The following PHF14 variants were observed in gnomAD, a reference collection of about 807,000 sequenced individuals.
PHF14 encodes PHD finger protein 14.
In PHF14, 55 loss-of-function variants were observed where a neutral mutation model predicts 117.9. That is an observed-to-expected ratio of 0.47 (90% confidence interval 0.38 to 0.58). PHF14 has a LOEUF of 0.58. Among genes scored for constraint, PHF14 ranks in the 20% least tolerant of loss-of-function variants. The pLI, the probability that PHF14 is intolerant of heterozygous loss-of-function variation, is 0.00. For missense variants in PHF14, 978 were observed against 1,122.2 expected (o/e 0.87, Z 1.84); for synonymous variants, 409 against 368.6 (o/e 1.11, Z -1.26).
chr7:10,990,745 A>C lies in PHF14; in HGVS notation c.943A>C (p.Lys315Gln), dbSNP rs370005938. 5.7e-6 allele frequency: 9 copies of C among 1,568,544 alleles called. No individual in the cohort carries two copies. Among genetic ancestry groups the C allele is most frequent in the African/African-American group, 1.4e-5 (1 of 73,992 alleles). The change falls in exon 4 of 18, where the codon AAA (lysine) becomes CAA (glutamine). Residue 315 changes from lysine to glutamine, a missense_variant. Lys to Gln is a moderately conservative substitution (Grantham distance 53). This residue lies in a region of PHF14 where 414 missense variants were observed against 376.4 expected (regional missense o/e 1.10). Transcript: ENST00000634607. ...GAAGAGTCAAAACTGGAGCTCTCAA[A>C]AAATGGACCATATTCTGATTTGCTG... ...LEKSQNWSSQ[K>Q]MDHILICCVC...
chr7:11,104,401 A>G, intron 16 of PHF14: 3 of 958,006 alleles, frequency 3.1e-6, no homozygotes, highest in Non-Finnish European at 3.7e-6. Flanking sequence ...AATCTCTTAA[A>G]TGCTCTCATA....
At chr7:11,159,681 C>CA (rs1365359512) in intron 17 of PHF14, among the ~76,000 whole-genome samples, 2 of 151,952 alleles carry the variant, frequency 1.3e-5, no homozygotes, top group African/African-American at 4.8e-5. Context: ...TTGAGGGAAA[C>CA]AGAGTAAAAG....
chr7:11,129,307 A>C (rs1788021866), intron 17 of PHF14, among the ~76,000 whole-genome samples: 1 of 152,122 alleles, frequency 6.6e-6, no homozygotes, highest in Admixed American at 6.6e-5. Flanking sequence ...TATGCAAAAA[A>C]GACCAAGAAG....
At chr7:11,097,068 C>T (rs1468594485) in intron 16 of PHF14, among the ~76,000 whole-genome samples, 1 of 150,716 alleles carries the variant, frequency 6.6e-6, no homozygotes, top group East Asian at 2.0e-4. Context: ...CAACCTCTGC[C>T]TCCCAGGTTC....
rs756942636 is a variant in PHF14 at position 11,038,841 on chromosome 7, A to G, written c.2062A>G (p.Arg688Gly). The G allele has an allele frequency of 5.8e-6, 9 of 1,549,862 alleles. No homozygotes were observed. Among genetic ancestry groups the G allele is most frequent in the Non-Finnish European group, 7.0e-6 (8 of 1,136,638 alleles). The part of the protein sequence containing the change: ...EGQGIWALLG[R>G]ITGQKLNIPA... ...ACAAGGAATATGGGCTTTACTAGGCAGAATCACAGGGCAGGTTAGTTTCTT... is the reference window on the plus strand; with the variant it reads ...ACAAGGAATATGGGCTTTACTAGGCGGAATCACAGGGCAGGTTAGTTTCTT... The change falls in exon 11 of 18, where the codon AGA (arginine) becomes GGA (glycine). Residue 688 changes from arginine to glycine, a missense_variant. Around this residue, in one of 7 missense-constraint regions of PHF14, gnomAD observed 237 missense variants for 276.4 expected, o/e 0.86. Coordinates refer to ENST00000634607, the MANE Select transcript of PHF14 (RefSeq NM_001007157.2).
chr7:11,145,070 T>A (rs1303991929), intron 17 of PHF14, among the ~76,000 whole-genome samples: 1 of 152,006 alleles, frequency 6.6e-6, no homozygotes. Context: ...ACCTCTGAAC[T>A]GTATACTTAA....
At chr7:10,991,350 G>A (rs1782441335) in intron 4 of PHF14, among the ~76,000 whole-genome samples, 1 of 152,016 alleles carries the variant, frequency 6.6e-6, no homozygotes, top group Middle Eastern at 3.4e-3. Context: ...GCTAATTTTT[G>A]TATTTTTAGT....
intron 16 of PHF14, among the ~76,000 whole-genome samples, chr7:11,066,353 G>A (rs568054929): frequency 2.6e-5 from 4 of 152,198 alleles, no homozygotes; most frequent in Admixed American, 1.3e-4. Flanking sequence ...TCTGCCTCCC[G>A]GGCTCAAGCA....
chr7:10,994,799 C>T (rs1211733033), intron 4 of PHF14, among the ~76,000 whole-genome samples: 2 of 152,046 alleles, frequency 1.3e-5, no homozygotes, highest in Admixed American at 6.6e-5. Flanking sequence ...TGCAGACCTT[C>T]GCGGTGAGTG....
intron 3 of PHF14, among the ~76,000 whole-genome samples, chr7:10,985,026 C>G (rs369365864): frequency 5.2e-4 from 79 of 152,212 alleles, no homozygotes; most frequent in African/African-American, 1.8e-3. Context: ...CCCCTCAATT[C>G]TATTATTCAA....
At chr7:11,011,119 A>G (rs920538396) in intron 4 of PHF14, among the ~76,000 whole-genome samples, 12 of 152,346 alleles carry the variant, frequency 7.9e-5, no homozygotes, top group Non-Finnish European at 1.6e-4. Flanking sequence ...ATATTTGGTA[A>G]GTAGTGTTTT....
chr7:11,129,657 A>T (rs1788035368), intron 17 of PHF14, among the ~76,000 whole-genome samples: 1 of 151,224 alleles, frequency 6.6e-6, no homozygotes, highest in Admixed American at 6.6e-5. Context: ...TAGCAATAGG[A>T]GTCTCATTTT....
chr7:11,156,659 G>A (rs1788864472), intron 17 of PHF14, among the ~76,000 whole-genome samples: 1 of 152,166 alleles, frequency 6.6e-6, no homozygotes, highest in South Asian at 2.1e-4. Context: ...GCCGGGTGTA[G>A]TGGCAGGCGC....
At chr7:11,115,932 T>A (rs1288767925) in intron 17 of PHF14, among the ~76,000 whole-genome samples, 2 of 152,006 alleles carry the variant, frequency 1.3e-5, no homozygotes, top group Non-Finnish European at 2.9e-5. Context: ...TGTGATGCTG[T>A]GTGCATTCTA....
At chr7:11,076,709 A>G (rs959526412) in intron 16 of PHF14, among the ~76,000 whole-genome samples, 2 of 151,574 alleles carry the variant, frequency 1.3e-5, no homozygotes, top group Non-Finnish European at 2.9e-5. Context: ...CTGAGATTAC[A>G]GGTGCACACC....
intron 16 of PHF14, chr7:11,103,387 A>C (rs1439548450): frequency 1.0e-6 from 1 of 976,658 alleles, no homozygotes; most frequent in Non-Finnish European, 1.2e-6. Flanking sequence ...AGGGAAGTAC[A>C]AAGATTATTG....
At chr7:10,982,308 T>TTG (rs879230535) in intron 2 of PHF14, 64 bp from the exon 3 acceptor site, 1,869 of 975,078 alleles carry the variant, frequency 1.9e-3, no homozygotes, top group Middle Eastern at 2.3e-3. Context: ...TGTGTCAGCG[T>TTG]TGTGTGTGTG....
chr7:11,161,195 A>G lies in PHF14; in HGVS notation c.2773-8221A>G, dbSNP rs371298295. Among the ~76,000 whole-genome samples, 28 of 152,228 alleles carry G rather than the reference A, an allele frequency of 1.8e-4. No individual in the cohort carries two copies. In the East Asian group the frequency reaches 4.1e-3, roughly 22 times the overall value. Reference sequence around the variant, plus strand: ...ATTATGACTTTTTTTTAATGGCAGTATAGAAGTTTGGTAAAACTTAATTTT... The same window carrying G: ...ATTATGACTTTTTTTTAATGGCAGTGTAGAAGTTTGGTAAAACTTAATTTT... On this transcript the variant is annotated intron_variant, in intron 17 of 17. Transcript: ENST00000634607.
In PHF14 at chr7:11,028,651, T is replaced by A. The variant is rs746806815; in HGVS notation, c.1318-30T>A. 55 of 1,610,638 alleles carry A rather than the reference T, an allele frequency of 3.4e-5. 1 individual carries two copies. Among genetic ancestry groups the A allele is most frequent in the Non-Finnish European group, 6.8e-6 (8 of 1,177,720 alleles). ...GTCTTTAGTCTGGAAATAAGTTTGCTTTGAGAATTTTTCTGTTACTTTGTT... is the reference window on the plus strand; with the variant it reads ...GTCTTTAGTCTGGAAATAAGTTTGCATTGAGAATTTTTCTGTTACTTTGTT... On this transcript the variant is annotated intron_variant, in intron 6 of 17. Transcript: ENST00000634607.
Sources: gnomAD v4.1 joint callset for allele counts (sites outside exome capture counted in the v4.1 genomes callset) on GRCh38, gnomAD v4.1.1 for gene constraint, gnomAD v4.1.1 regional missense constraint, MANE v1.5 for transcripts, NCBI Gene and HGNC (gene_info 2026-07-23, HGNC 2026-07-21) for gene names.